Variants in TP53INP1 observed in about 807,000 individuals in gnomAD.
TP53INP1 encodes tumor protein p53-inducible nuclear protein 1.
A neutral mutation model predicts 21.0 loss-of-function variants in TP53INP1; 12 were observed. That is an observed-to-expected ratio of 0.57 (90% CI 0.37 to 0.93). The LOEUF (loss-of-function observed/expected upper bound fraction) is 0.93, where lower values mean the gene tolerates loss of function less well. Among genes scored for constraint, TP53INP1 ranks in the 40% least tolerant of loss-of-function variants. The probability of loss-of-function intolerance (pLI) is 0.01; values close to 1 mark genes in which losing one functional copy is unlikely to be tolerated. For missense variants in TP53INP1, 274 were observed against 294.7 expected, an observed-to-expected ratio of 0.93 and a Z score of 0.51; for synonymous variants, 91 against 94.8, an observed-to-expected ratio of 0.96 and a Z score of 0.23.
chr8:94,931,509 AT>A (rs1382147401), intron 3 of TP53INP1, among the ~76,000 whole-genome samples: 1 of 152,110 alleles, frequency 6.6e-6, no homozygotes, highest in South Asian at 2.1e-4. Flanking sequence ...GAGCTGTATG[AT>A]TTTTAAGAGT....
chr8:94,928,131 T>A lies in TP53INP1; in HGVS notation c.*2348A>T, dbSNP rs1196926399. On this transcript the variant is annotated 3_prime_UTR_variant, in exon 4 of 4. Coordinates refer to ENST00000342697, the MANE Select transcript of TP53INP1 (RefSeq NM_033285.4). Reference sequence around the variant, plus strand: ...CAGTATGATATTCCAGGTGGTGTGGTAATCCCAACCTTGAAAAAAAGCCCA... The same window carrying A: ...CAGTATGATATTCCAGGTGGTGTGGAAATCCCAACCTTGAAAAAAAGCCCA... 1 of 152,094 alleles carries A rather than the reference T, an allele frequency of 6.6e-6. No homozygotes were observed. The highest frequency in any genetic ancestry group is 1.5e-5 in the Non-Finnish European group (1 of 68,026). 9.4% of individuals were successfully genotyped at this position (152,094 alleles called of 1,614,324 possible). A position where few individuals can be genotyped will look rare whatever the true frequency, so the allele number is the denominator to read the frequency against.
At chr8:94,939,766 T>G (rs1821341572) in intron 3 of TP53INP1, 94 bp downstream of exon 3, 1 of 1,522,524 alleles carries the variant, frequency 6.6e-7, no homozygotes, top group South Asian at 1.3e-5. Context: ...CAAAATTAGT[T>G]TTGCATCTTC....
chr8:94,930,120 T>C lies in TP53INP1; in HGVS notation c.*359A>G, dbSNP rs1478544375. The C allele has an allele frequency of 4.7e-6, 1 of 211,260 alleles. No homozygotes were observed. The highest frequency in any genetic ancestry group is 5.3e-5 in the Admixed American group (1 of 18,882). 13.1% of individuals were successfully genotyped at this position (211,260 alleles called of 1,614,324 possible). ...TTTGCTTGCTTAAAAGATTAAGTAA[T>C]ACAAAATAAAATGAAAATGAAAGAT... On this transcript the variant is annotated 3_prime_UTR_variant, in exon 4 of 4. Transcript: ENST00000342697.
intron 1 of TP53INP1, among the ~76,000 whole-genome samples, chr8:94,944,387 T>G (rs766076784): frequency 6.6e-6 from 1 of 152,184 alleles, no homozygotes; most frequent in Non-Finnish European, 1.5e-5. Context: ...CACATGCAAA[T>G]TGCCCCCTCT....
chr8:94,932,552 C>G (rs893769837), intron 3 of TP53INP1, among the ~76,000 whole-genome samples: 3 of 152,236 alleles, frequency 2.0e-5, no homozygotes, highest in African/African-American at 7.2e-5. Context: ...GCCTGTAATC[C>G]CAGCACTTTG....
At position 94,941,036 on chromosome 8, in the gene TP53INP1, T is replaced by A; in HGVS notation, c.-95A>T. The A allele has an allele frequency of 1.2e-6, 1 of 849,384 alleles. No individual in the cohort carries two copies. Among genetic ancestry groups the A allele is most frequent in the Non-Finnish European group, 1.9e-6 (1 of 523,804 alleles). 52.6% of individuals were successfully genotyped at this position (849,384 alleles called of 1,614,324 possible). A position where few individuals can be genotyped will look rare whatever the true frequency, so the allele number is the denominator to read the frequency against. On this transcript the variant is annotated 5_prime_UTR_variant, in exon 2 of 4. Coordinates refer to ENST00000342697, the MANE Select transcript of TP53INP1 (RefSeq NM_033285.4). ...TGGCCCAATGGTACCGACAGGAGAT[T>A]AAAGTGCACAGGGTGCTTATTCAAC...
At position 94,949,140 on chromosome 8, in the gene TP53INP1, C is replaced by G. The variant is rs949121356; in HGVS notation, c.-151+14G>C. The G allele has an allele frequency of 6.0e-5, 9 of 149,188 alleles. No homozygotes were observed. The highest frequency in any genetic ancestry group is 1.9e-4 in the East Asian group (1 of 5,154). 9.2% of individuals were successfully genotyped at this position (149,188 alleles called of 1,614,324 possible). On this transcript the variant is annotated intron_variant, in intron 1 of 3. Transcript: ENST00000342697. ...CCCTGGACGGACGCCCGCCCGCCCC[C>G]CCCCGGCACTTACGTGGGCCCGGGC...
Position 94,926,011 on chromosome 8 carries a change from CTG to C in TP53INP1, c.*4466_*4467del, listed in dbSNP as rs780539011. The stretch of plus-strand genomic sequence containing the variant: ...ACTTTATTTACTGACAGATTGAAAA[CTG>C]TAACTCCAGGTAGTGCAAAATGCAC... On this transcript the variant is annotated 3_prime_UTR_variant, in exon 4 of 4. Transcript: ENST00000342697. 3.3e-5 allele frequency: 5 copies of C among 152,746 alleles called. No homozygotes were observed. The highest frequency in any genetic ancestry group is 2.6e-4 in the Admixed American group (4 of 15,292). 9.5% of individuals were successfully genotyped at this position (152,746 alleles called of 1,614,324 possible).
chr8:94,935,637 G>A (rs1213073118), intron 3 of TP53INP1, among the ~76,000 whole-genome samples: 3 of 152,164 alleles, frequency 2.0e-5, no homozygotes, highest in East Asian at 1.9e-4. Flanking sequence ...TAAAATGGTC[G>A]GGGTGGTGAA....
chr8:94,931,987 G>A, intron 3 of TP53INP1: 1 of 1,378,422 alleles, frequency 7.3e-7, no homozygotes, highest in Non-Finnish European at 1.0e-6. Context: ...AAGAAAGAAA[G>A]TCATTTTTAA....
At chr8:94,948,343 GA>G (rs1171391301) in intron 1 of TP53INP1, among the ~76,000 whole-genome samples, 2 of 152,186 alleles carry the variant, frequency 1.3e-5, no homozygotes, top group Admixed American at 6.5e-5. Context: ...AGGTTATTAT[GA>G]GAATCAACTG....
chr8:94,942,243 T>C (rs995419815), intron 1 of TP53INP1, among the ~76,000 whole-genome samples: 1 of 152,026 alleles, frequency 6.6e-6, no homozygotes, highest in Non-Finnish European at 1.5e-5. Flanking sequence ...GGTTTCACCA[T>C]GTTAGCCAGG....
intron 3 of TP53INP1, among the ~76,000 whole-genome samples, chr8:94,934,586 T>G (rs1820780682): frequency 6.6e-6 from 1 of 152,048 alleles, no homozygotes; most frequent in South Asian, 2.1e-4. Flanking sequence ...TTTGCCATGT[T>G]GTCCAGGCTG....
At chr8:94,943,045 G>A (rs560382960) in intron 1 of TP53INP1, among the ~76,000 whole-genome samples, 8 of 152,324 alleles carry the variant, frequency 5.3e-5, no homozygotes, top group East Asian at 3.9e-4. Context: ...TAGGCATTTC[G>A]AATATGGTAA....
In TP53INP1 at chr8:94,927,910, A is replaced by G. The variant is rs1820040364; in HGVS notation, c.*2569T>C. The G allele has an allele frequency of 2.0e-5, 1 of 50,442 alleles. No individual in the cohort carries two copies. Among genetic ancestry groups the G allele is most frequent in the South Asian group, 9.5e-4 (1 of 1,048 alleles). 3.1% of individuals were successfully genotyped at this position (50,442 alleles called of 1,614,324 possible). ...ATTGTAAACCACTAATATTTACAAT[A>G]GCAAAAAAAAAAGCTCATAAAATGC... On this transcript the variant is annotated 3_prime_UTR_variant, in exon 4 of 4. Coordinates refer to ENST00000342697, the MANE Select transcript of TP53INP1 (RefSeq NM_033285.4).
In TP53INP1 at chr8:94,940,031, G is replaced by C; in HGVS notation, c.302C>G (p.Pro101Arg). The C allele has an allele frequency of 6.2e-7, 1 of 1,614,172 alleles. No homozygotes were observed. The highest frequency in any genetic ancestry group is 8.5e-7 in the Non-Finnish European group (1 of 1,180,020). ...TAATCCACCTGCAGTAAAACATGGG[G>C]GTGGGGTGATAAACCAGCTCTCCTC... ...PMEESWFITPPPCFTAGGLTT... is the reference protein window; with the variant it reads ...PMEESWFITPRPCFTAGGLTT... Residue 101 changes from proline (P) to arginine (R), a missense_variant, in exon 3 of 4, where the codon CCC becomes CGC. Coordinates refer to ENST00000342697, the MANE Select transcript of TP53INP1 (RefSeq NM_033285.4).
At chr8:94,931,652 A>G (rs978109685) in intron 3 of TP53INP1, among the ~76,000 whole-genome samples, 3 of 152,062 alleles carry the variant, frequency 2.0e-5, no homozygotes, top group Non-Finnish European at 4.4e-5. Context: ...CCACAATAAG[A>G]AACTAATAGA....
Position 94,939,882 on chromosome 8 carries a change from A to T in TP53INP1, c.451T>A (p.Leu151Ile). ...TACCTGGGACTACTTGGGCTATGTA[A>T]TTCATCAGTCCCACGGGTGGCCTCA... is the stretch of plus-strand genomic sequence containing the variant. ...LSEATRGTDELHSPSSPRVEA... is the reference protein window; with the variant it reads ...LSEATRGTDEIHSPSSPRVEA... Residue 151 changes from leucine (L) to isoleucine (I), a missense_variant, in exon 3 of 4, where the codon TTA becomes ATA. Transcript: ENST00000342697. The T allele has an allele frequency of 6.2e-7, 1 of 1,613,530 alleles. No individual in the cohort carries two copies. Among genetic ancestry groups the T allele is most frequent in the Non-Finnish European group, 8.5e-7 (1 of 1,179,602 alleles).
At chr8:94,942,261 C>T (rs186754219) in intron 1 of TP53INP1, among the ~76,000 whole-genome samples, 4 of 151,894 alleles carry the variant, frequency 2.6e-5, no homozygotes, top group Non-Finnish European at 5.9e-5. Context: ...AGGATGGTCT[C>T]GATCTCCTGA....
Sources: allele counts gnomAD v4.1 joint callset (sites outside exome capture counted in the v4.1 genomes callset), GRCh38; gene constraint gnomAD v4.1.1; transcripts MANE v1.5; gene names NCBI Gene and HGNC (gene_info 2026-07-23, HGNC 2026-07-21).